The following PAPLN variants were observed in gnomAD, a reference collection of about 807,000 sequenced individuals.
PAPLN encodes the protein papilin, proteoglycan like sulfated glycoprotein, also known as papilin.
PAPLN carries 146 observed loss-of-function variants against 159.0 expected under a neutral mutation model. The ratio of observed to expected loss-of-function variants is 0.92; its 90% CI spans 0.80 to 1.05. The LOEUF (loss-of-function observed/expected upper bound fraction) is 1.05. PAPLN is among the 50% of genes least tolerant of loss of function. The pLI is 0.00. For synonymous variants in PAPLN, 734 were observed against 702.9 expected (o/e 1.04, Z -0.70); for missense variants, 1,720 against 1,743.9 (o/e 0.99, Z 0.24).
chr14:73,270,057 ATGT>A (rs1438241801), intron 26 of PAPLN, among the ~76,000 whole-genome samples: 2 of 152,190 alleles, frequency 1.3e-5, no homozygotes, highest in South Asian at 2.1e-4. Flanking sequence ...GTGGCTGGAA[ATGT>A]TGTCCAGCGG....
At position 73,254,619 on chromosome 14, in the gene PAPLN, C is replaced by T; in HGVS notation, c.1409C>T (p.Pro470Leu). 6.2e-7 allele frequency: 1 copy of T among 1,614,066 alleles called. No individual in the cohort carries two copies. Among genetic ancestry groups the T allele is most frequent in the South Asian group, 1.1e-5 (1 of 91,086 alleles). Residue 470 changes from proline to leucine, a missense_variant, in exon 13 of 27, where the codon CCT (proline) becomes CTT (leucine). Physicochemically the swap from Pro to Leu is moderately conservative, Grantham distance 98 (BLOSUM62 -3). Coordinates refer to ENST00000644200, the MANE Select transcript of PAPLN (RefSeq NM_001365906.3). Reference sequence around the variant, plus strand: ...GCGTGCTCCTTGGAAGACCGGCCACCTCTGACTGAGCCCTGTGTGCATGAG... The same window carrying T: ...GCGTGCTCCTTGGAAGACCGGCCACTTCTGACTGAGCCCTGTGTGCATGAG... ...TAACSLEDRP[P>L]LTEPCVHEDC...
chr14:73,260,970 G>A, intron 17 of PAPLN, 141 bp downstream of exon 17: 1 of 1,404,506 alleles, frequency 7.1e-7, no homozygotes, highest in Non-Finnish European at 9.4e-7. Context: ...ATCCTCTGGA[G>A]GGCACCGGGC....
At position 73,264,691 on chromosome 14, in the gene PAPLN, G is replaced by A. The variant is rs773644099; in HGVS notation, c.3090G>A (p.Gly1030=). Residue 1030 remains glycine (G), a synonymous_variant, in exon 22 of 27, where the codon GGG becomes GGA. Coordinates refer to ENST00000644200, the MANE Select transcript of PAPLN (RefSeq NM_001365906.3). ...AAGCGGGGGCTGCTGGGCCCCTGGG[G>A]GCCATCCCCTCTTCACACCCACAGC... The part of the protein sequence containing the change: ...FGQAGAAGPL[G]AIPSSHPQPA... 1.2e-6 allele frequency: 2 copies of A among 1,612,488 alleles called. No homozygotes were observed. The highest frequency in any genetic ancestry group is 1.7e-6 in the Non-Finnish European group (2 of 1,179,682).
At chr14:73,264,120 T>G (rs957930170) in intron 20 of PAPLN, 91 bp from the exon 21 acceptor site, 277 of 1,592,478 alleles carry the variant, frequency 1.7e-4, no homozygotes, top group Admixed American at 3.6e-4. Context: ...TAGACTCTGG[T>G]CCCCTCTGGC....
chr14:73,265,890 C>T lies in PAPLN; in HGVS notation c.3263+383C>T, dbSNP rs921335505. Among the ~76,000 whole-genome samples the T allele has an allele frequency of 5.3e-5, 8 of 152,156 alleles. No homozygotes were observed. The highest frequency in any genetic ancestry group is 1.4e-4 in the African/African-American group (6 of 41,434). ...AGCCATATTGAGCAGGTGCTGTTTT[C>T]CCCCCATTTTACACACAGAAGCTTA... On this transcript the variant is annotated intron_variant, in intron 23 of 26. Coordinates refer to ENST00000644200, the MANE Select transcript of PAPLN (RefSeq NM_001365906.3). The surrounding 1 kb of genome is among the most constrained non-coding windows in gnomAD (Gnocchi z 4.1).
At chr14:73,257,213 C>A (rs1049506253) in intron 14 of PAPLN, among the ~76,000 whole-genome samples, 1 of 152,152 alleles carries the variant, frequency 6.6e-6, no homozygotes, top group South Asian at 2.1e-4. Context: ...CTCAGGCAAT[C>A]CTCTCACCTT....
At chr14:73,250,358 C>G (rs1813880076) in intron 6 of PAPLN, among the ~76,000 whole-genome samples, 2 of 152,226 alleles carry the variant, frequency 1.3e-5, no homozygotes, top group Non-Finnish European at 2.9e-5. Flanking sequence ...TGGCAGAAAT[C>G]CGGCTAAAAC....
chr14:73,241,639 C>T (rs2242604), intron 2 of PAPLN, among the ~76,000 whole-genome samples: 21,768 of 152,190 alleles, frequency 0.14, 1,948 homozygotes, highest in East Asian at 0.42. Context: ...CTCTCCCTGC[C>T]CTCTGTGAGT....
In PAPLN at chr14:73,262,668, G is replaced by C; in HGVS notation, c.2564G>C (p.Gly855Ala). ...GTGCAGAGAAAGCCCTGGCCTTCTG[G>C]TGGTCTCTGGCGGCAAGACCAACAG... ...AAVQRKPWPSGGLWRQDQQPG... is the reference protein window; with the variant it reads ...AAVQRKPWPSAGLWRQDQQPG... Residue 855 changes from glycine to alanine, a missense_variant, in exon 19 of 27, where the codon GGT becomes GCT. Physicochemically the swap from Gly to Ala is moderately conservative, Grantham distance 60. Coordinates refer to ENST00000644200, the MANE Select transcript of PAPLN (RefSeq NM_001365906.3). 1 of 1,505,018 alleles carries C rather than the reference G, an allele frequency of 6.6e-7. No individual in the cohort carries two copies. Among genetic ancestry groups the C allele is most frequent in the South Asian group, 1.4e-5 (1 of 73,498 alleles). The allele number at this position is 1,505,018 out of a possible 1,614,324, so 93.2% of individuals were successfully genotyped here. A position where few individuals can be genotyped will look rare whatever the true frequency, so the allele number is the denominator to read the frequency against.
chr14:73,265,499 T>G lies in PAPLN; in HGVS notation c.3255T>G (p.Ser1085=). 4 of 1,613,776 alleles carry G rather than the reference T, an allele frequency of 2.5e-6. No individual in the cohort carries two copies. The highest frequency in any genetic ancestry group is 1.3e-5 in the African/African-American group (1 of 75,076). Residue 1085 remains serine, a synonymous_variant, in exon 23 of 27, where the codon TCT becomes TCG. Coordinates refer to ENST00000644200, the MANE Select transcript of PAPLN (RefSeq NM_001365906.3). This position sits in a 1 kb window ranked among gnomAD's most constrained non-coding sequence, Gnocchi z 4.1. ...GGCAGAGAGATGGGCAGCCTGTCTCTTCTCCCAGGTTTATTTGACTCCTCT... is the reference window on the plus strand; with the variant it reads ...GGCAGAGAGATGGGCAGCCTGTCTCGTCTCCCAGGTTTATTTGACTCCTCT... ...IEWQRDGQPV[S]SPRHQLQPDG... is the part of the protein sequence containing the mutation.
chr14:73,264,532 C>T (rs570006384), intron 21 of PAPLN, 56 bp from the exon 22 acceptor site: 1 of 1,557,258 alleles, frequency 6.4e-7, no homozygotes, highest in African/African-American at 1.4e-5. Context: ...GCCCGCCCTT[C>T]CTTCCACTCC....
intron 14 of PAPLN, among the ~76,000 whole-genome samples, chr14:73,257,622 C>A (rs1301842387): frequency 1.3e-5 from 2 of 151,812 alleles, no homozygotes; most frequent in African/African-American, 4.8e-5. Context: ...ACAAGTTGAA[C>A]AATATGATAG....
Position 73,259,535 on chromosome 14 carries a change from C to T in PAPLN, c.1975C>T (p.Gln659Ter). ...QWQGCPGAPCQQSRYGCCPDR... is the reference protein window; with the variant it reads ...QWQGCPGAPC ...GCAAGGCTGCCCTGGGGCCCCCTGT[C>T]AGCAGAGCAGGTGGGTGCTGGAGAC... The change falls in exon 16 of 27, where the codon CAG (glutamine) becomes TAG (stop). Residue 659 changes from glutamine to a stop codon, truncating the protein, a stop_gained. Transcript: ENST00000644200. LOFTEE classifies it high-confidence loss of function. The T allele has an allele frequency of 6.4e-7, 1 of 1,574,768 alleles. No individual in the cohort carries two copies. Among genetic ancestry groups the T allele is most frequent in the Non-Finnish European group, 8.6e-7 (1 of 1,159,586 alleles).
Position 73,254,669 on chromosome 14 carries a change from GC to G in PAPLN, c.1461del (p.Trp488GlyfsTer314). 6.2e-7 allele frequency: 1 copy of G among 1,613,922 alleles called. No homozygotes were observed. The highest frequency in any genetic ancestry group is 8.5e-7 in the Non-Finnish European group (1 of 1,179,866). On this transcript the variant is annotated frameshift_variant, in exon 13 of 27. Transcript: ENST00000644200. LOFTEE classifies it high-confidence loss of function. ...GGACTGCCCCCTCCTCAGTGACCAG[GC>G]CTGGCATGTTGGCACCTGGGGTCTA... is the stretch of plus-strand genomic sequence containing the variant. ...HEDCPLLSDQAWHVGTWGLCS... is the reference protein window; with the variant it reads ...HEDCPLLSDQXWHVGTWGLCS...
At chr14:73,244,402 G>A (rs1883953880) in intron 2 of PAPLN, 2 of 448,542 alleles carry the variant, frequency 4.5e-6, no homozygotes, top group Non-Finnish European at 8.0e-6. Context: ...CTTCCCAGCT[G>A]CTCCTGCTCC....
Position 73,265,267 on chromosome 14 carries a change from C to T in PAPLN, c.3126-103C>T. The T allele has an allele frequency of 2.7e-6, 4 of 1,497,248 alleles. No individual in the cohort carries two copies. The South Asian group carries it at 5.1e-5, about 19-fold the overall frequency. 92.7% of individuals were successfully genotyped at this position (1,497,248 alleles called of 1,614,324 possible). On this transcript the variant is annotated intron_variant, in intron 22 of 26. Transcript: ENST00000644200. This position sits in a 1 kb window ranked among gnomAD's most constrained non-coding sequence, Gnocchi z 4.1. ...GGGGATTTTAGGAAGCTGAATCTGG[C>T]TGGAGAGGGAGAAGGGGCCACCAGG...
In PAPLN at chr14:73,266,492, G is replaced by A; in HGVS notation, c.3264-9G>A. 3 of 1,613,604 alleles carry A rather than the reference G, an allele frequency of 1.9e-6. No individual in the cohort carries two copies. The highest frequency in any genetic ancestry group is 2.2e-5 in the South Asian group (2 of 90,986). ...GGGCTGGAGCCAACTGGCTGTACTT[G>A]GTCCCCAGACACCAGCTGCAGCCTG... On this transcript the variant is annotated splice_polypyrimidine_tract_variant and intron_variant, in intron 23 of 26. Coordinates refer to ENST00000644200, the MANE Select transcript of PAPLN (RefSeq NM_001365906.3).
In PAPLN at chr14:73,245,938, G is replaced by A. The variant is rs548366176; in HGVS notation, c.232-135G>A. Reference sequence around the variant, plus strand: ...CGCACAGGAGTTCGGGGGTCCGGGGGGCGGACTCCACCTCCGGCGGCTCCG... The same window carrying A: ...CGCACAGGAGTTCGGGGGTCCGGGGAGCGGACTCCACCTCCGGCGGCTCCG... On this transcript the variant is annotated intron_variant, in intron 4 of 26. Coordinates refer to ENST00000644200, the MANE Select transcript of PAPLN (RefSeq NM_001365906.3). The surrounding 1 kb of genome is among the most constrained non-coding windows in gnomAD (Gnocchi z 4.2). The A allele has an allele frequency of 1.6e-4, 158 of 977,288 alleles. No individual in the cohort carries two copies. The African/African-American group carries it at 2.4e-3, about 15-fold the overall frequency. The allele number at this position is 977,288 out of a possible 1,614,324, so 60.5% of individuals were successfully genotyped here. A position where few individuals can be genotyped will look rare whatever the true frequency, so the allele number is the denominator to read the frequency against.
chr14:73,239,697 C>A, intron 1 of PAPLN, 76 bp from the exon 2 acceptor site: 1 of 1,529,008 alleles, frequency 6.5e-7, no homozygotes, highest in South Asian at 1.2e-5. Context: ...GGGAGAGACG[C>A]GCCCACACAC....
Sources: allele counts gnomAD v4.1 joint callset (sites outside exome capture counted in the v4.1 genomes callset), GRCh38; gene constraint gnomAD v4.1.1; non-coding constraint Gnocchi (gnomAD v3.1); transcripts MANE v1.5; gene names NCBI Gene and HGNC (gene_info 2026-07-23, HGNC 2026-07-21).